TNR: variants seen among roughly 807,000 people sequenced by gnomAD.
TNR encodes tenascin-R.
Under a neutral mutation model 150.4 loss-of-function variants are expected in TNR, and 45 were observed. That is an observed-to-expected ratio of 0.30 (90% confidence interval 0.24 to 0.38). The LOEUF (loss-of-function observed/expected upper bound fraction) is 0.38, where lower values mean the gene tolerates loss of function less well. Among genes scored for constraint, TNR ranks in the 10% least tolerant of loss-of-function variants. The pLI, the probability that TNR is intolerant of heterozygous loss-of-function variation, is 1.00. For synonymous variants in TNR, 687 were observed against 678.4 expected (o/e 1.01, Z -0.20); for missense variants, 1,544 against 1,759.1 (o/e 0.88, Z 2.19).
At chr1:175,376,034 G>A (rs1405812961) in intron 9 of TNR, among the ~76,000 whole-genome samples, 1 of 152,086 alleles carries the variant, frequency 6.6e-6, no homozygotes, top group Non-Finnish European at 1.5e-5. Flanking sequence ...TTCCACAGCT[G>A]TGCTCTAAGT....
chr1:175,676,370 T>A (rs1665866589), intron 1 of TNR, among the ~76,000 whole-genome samples: 3 of 152,158 alleles, frequency 2.0e-5, no homozygotes, highest in Non-Finnish European at 2.9e-5. Context: ...ACCACCTCCA[T>A]ACTCAGCTCC....
chr1:175,601,686 T>C (rs1255400391), intron 1 of TNR, among the ~76,000 whole-genome samples: 1 of 152,210 alleles, frequency 6.6e-6, no homozygotes, highest in Non-Finnish European at 1.5e-5. Context: ...TGCCAGGGCC[T>C]GAGTTAAGCA....
At chr1:175,659,897 A>ATTTT (rs34472359) in intron 1 of TNR, among the ~76,000 whole-genome samples, 52 of 111,778 alleles carry the variant, frequency 4.7e-4, no homozygotes, top group African/African-American at 1.6e-3. Context: ...TTTGGGTGTC[A>ATTTT]TTTTTTTTTT....
chr1:175,320,866 T>C lies in TNR; in HGVS notation c.*2491A>G, dbSNP rs1432275214. On this transcript the variant is annotated 3_prime_UTR_variant, in exon 23 of 23. Transcript: ENST00000367674. ...CTAGTGAATTTTCATTACCTAATTG[T>C]GCTGTCCCACCATGCCAATTTCTAC... The C allele has an allele frequency of 6.6e-6, 1 of 151,834 alleles. No individual in the cohort carries two copies. Among genetic ancestry groups the C allele is most frequent in the Non-Finnish European group, 1.5e-5 (1 of 67,982 alleles). 9.4% of individuals were successfully genotyped at this position (151,834 alleles called of 1,614,324 possible).
rs538886908 is a variant in TNR at position 175,356,437 on chromosome 1, G to A, written c.3000C>T (p.Asp1000=). The A allele has an allele frequency of 3.3e-5, 54 of 1,613,928 alleles. No individual in the cohort carries two copies. The highest frequency in any genetic ancestry group is 8.9e-5 in the East Asian group (4 of 44,866). ...FAVAGETILV[D]GVSEEFRLVD... is the part of the protein sequence containing the mutation. ...CAAGCCGAAATTCCTCACTGACTCC[G>A]TCAACAAGGATGGTCTCTCCAGCGA... The change falls in exon 16 of 23, where the codon GAC becomes GAT. Residue 1000 remains aspartate, a synonymous_variant. Transcript: ENST00000367674.
Position 175,355,620 on chromosome 1 carries a change from C to G in TNR, c.3132G>C (p.Pro1044=). 6.2e-7 allele frequency: 1 copy of G among 1,613,990 alleles called. No homozygotes were observed. Among genetic ancestry groups the G allele is most frequent in the African/African-American group, 1.3e-5 (1 of 75,034 alleles). ...TGACTTCACTGGCTGTCAGGTTTGC[C>G]GGAGGGTCCAGGACTGCAAAGAGGA... ...STNFSTLLDP[P]ANLTASEVTR... Residue 1044 remains proline, a synonymous_variant, in exon 17 of 23, where the codon CCG becomes CCC. Coordinates refer to ENST00000367674, the MANE Select transcript of TNR (RefSeq NM_003285.3).
intron 1 of TNR, among the ~76,000 whole-genome samples, chr1:175,542,966 C>A (rs1660560553): frequency 6.6e-6 from 1 of 152,148 alleles, no homozygotes; most frequent in Non-Finnish European, 1.5e-5. Flanking sequence ...GAGCTCAGGG[C>A]CAGATTCATG....
chr1:175,735,397 T>A (rs763606896), intron 1 of TNR, among the ~76,000 whole-genome samples: 26 of 152,154 alleles, frequency 1.7e-4, no homozygotes, highest in Non-Finnish European at 2.9e-4. Flanking sequence ...TATTGACAAA[T>A]TCACAGGGGA....
intron 2 of TNR, among the ~76,000 whole-genome samples, chr1:175,421,648 A>C (rs554628867): frequency 1.3e-5 from 2 of 152,322 alleles, no homozygotes; most frequent in East Asian, 3.9e-4. Context: ...AGATAAGTCT[A>C]CAGTATTAAG....
intron 1 of TNR, among the ~76,000 whole-genome samples, chr1:175,688,597 AAAGGAAGGAAATGAGG>A (rs1666268315): frequency 6.6e-6 from 1 of 152,204 alleles, no homozygotes; most frequent in Non-Finnish European, 1.5e-5. Flanking sequence ...GACCAGTTAG[AAAGGAAGGAAATGAGG>A]ATGCAATTTG....
At chr1:175,383,818 C>G (rs766486197) in intron 8 of TNR, among the ~76,000 whole-genome samples, 18 of 152,190 alleles carry the variant, frequency 1.2e-4, no homozygotes, top group Non-Finnish European at 1.9e-4. Context: ...GTCTGCAGTG[C>G]TGTTTGCATC....
intron 2 of TNR, among the ~76,000 whole-genome samples, chr1:175,491,757 C>T (rs1274962198): frequency 6.7e-6 from 1 of 149,840 alleles, no homozygotes; most frequent in Non-Finnish European, 1.5e-5. Flanking sequence ...TCACGCCGTT[C>T]TCCTGCCTCA....
chr1:175,458,437 A>G (rs1475260104), intron 2 of TNR, among the ~76,000 whole-genome samples: 1 of 152,230 alleles, frequency 6.6e-6, no homozygotes, highest in Admixed American at 6.5e-5. Context: ...GAGGTCAAAC[A>G]TATACACAAG....
At chr1:175,652,885 A>T (rs1392468593) in intron 1 of TNR, among the ~76,000 whole-genome samples, 2 of 152,244 alleles carry the variant, frequency 1.3e-5, no homozygotes, top group African/African-American at 4.8e-5. Flanking sequence ...GTGAGTAGAA[A>T]ATTCACAGCA....
intron 1 of TNR, among the ~76,000 whole-genome samples, chr1:175,625,802 G>A (rs1664133447): frequency 6.6e-6 from 1 of 152,172 alleles, no homozygotes; most frequent in Admixed American, 6.5e-5. Flanking sequence ...GAGCCTTCTA[G>A]CCCATCCCCT....
chr1:175,329,870 C>T (rs951776848), intron 21 of TNR, among the ~76,000 whole-genome samples: 1 of 152,236 alleles, frequency 6.6e-6, no homozygotes, highest in East Asian at 1.9e-4. Context: ...TGAAGTCCTG[C>T]AAAGTTGCTT....
At chr1:175,422,677 C>T (rs556696013) in intron 2 of TNR, among the ~76,000 whole-genome samples, 5 of 152,328 alleles carry the variant, frequency 3.3e-5, no homozygotes, top group Admixed American at 3.3e-4. Flanking sequence ...ACCCCAGTTT[C>T]TCTTGATTAC....
intron 1 of TNR, among the ~76,000 whole-genome samples, chr1:175,693,581 C>T (rs973474546): frequency 2.0e-5 from 3 of 152,192 alleles, no homozygotes; most frequent in Admixed American, 6.5e-5. Context: ...ATTCACAATG[C>T]CTCCTCTCCT....
chr1:175,494,799 T>C lies in TNR; in HGVS notation c.-64+33470A>G, dbSNP rs548330137. On this transcript the variant is annotated intron_variant, in intron 2 of 22. Transcript: ENST00000367674. Reference sequence around the variant, plus strand: ...TGCTGGATTCTGGACAATGCCTCAATGATATCGAAGAAAAATCTAGACTCT... The same window carrying C: ...TGCTGGATTCTGGACAATGCCTCAACGATATCGAAGAAAAATCTAGACTCT... 2.5e-4 allele frequency among the ~76,000 whole-genome samples: 38 copies of C among 152,302 alleles called. 1 individual carries two copies. The South Asian group carries it at 7.5e-3, about 30-fold the overall frequency.
Sources: allele counts gnomAD v4.1 joint callset (sites outside exome capture counted in the v4.1 genomes callset), GRCh38; gene constraint gnomAD v4.1.1; transcripts MANE v1.5; gene names NCBI Gene and HGNC (gene_info 2026-07-23, HGNC 2026-07-21).